The following SCYL2 variants were observed in gnomAD, a reference collection of about 807,000 sequenced individuals.
The protein encoded by SCYL2 is SCY1-like protein 2.
SCYL2 carries 36 observed loss-of-function variants against 100.4 expected under a neutral mutation model. The ratio of observed to expected loss-of-function variants is 0.36; its 90% confidence interval spans 0.27 to 0.47. The LOEUF is 0.47. Ranked by LOEUF, SCYL2 falls within the 20% of genes least tolerant of loss-of-function variation. SCYL2 has a pLI of 1.00. For missense variants in SCYL2, 902 were observed against 1,083.9 expected (o/e 0.83, Z 2.36); for synonymous variants, 330 against 359.2 (o/e 0.92, Z 0.92).
intron 1 of SCYL2, among the ~76,000 whole-genome samples, chr12:100,282,710 T>A (rs184903069): frequency 1.3e-5 from 2 of 152,296 alleles, no homozygotes; most frequent in East Asian, 3.9e-4. Flanking sequence ...TGTGAGTATA[T>A]CTTTTCCTGG....
At chr12:100,333,812 T>A (rs994337088) in intron 13 of SCYL2, 3 of 156,418 alleles carry the variant, frequency 1.9e-5, no homozygotes, top group African/African-American at 7.2e-5. Flanking sequence ...TTCAGATGGT[T>A]AATTTTGAAT....
At chr12:100,334,337 G>A in intron 14 of SCYL2, 71 bp downstream of exon 14, 3 of 876,978 alleles carry the variant, frequency 3.4e-6, no homozygotes, top group South Asian at 1.4e-5. Context: ...TTGATTTTCT[G>A]GAATATGGAA....
chr12:100,272,692 A>C (rs997027311), intron 1 of SCYL2, among the ~76,000 whole-genome samples: 17 of 152,240 alleles, frequency 1.1e-4, no homozygotes, highest in African/African-American at 4.1e-4. Flanking sequence ...CCTTCCACCT[A>C]GACTGTGAAA....
chr12:100,294,609 C>G (rs905818976), intron 3 of SCYL2, among the ~76,000 whole-genome samples: 1 of 140,528 alleles, frequency 7.1e-6, no homozygotes, highest in Non-Finnish European at 1.6e-5. Context: ...GGTGGCTGGC[C>G]GGGCAGAGGG....
chr12:100,283,921 G>A (rs536970964), intron 2 of SCYL2, among the ~76,000 whole-genome samples: 6 of 152,228 alleles, frequency 3.9e-5, no homozygotes, highest in Admixed American at 3.9e-4. Context: ...GAGTTGATCT[G>A]CATCTGAAAT....
chr12:100,339,079 T>A lies in SCYL2; in HGVS notation c.2697T>A (p.Asn899Lys), dbSNP rs1209784517. The change falls in exon 18 of 18, where the codon AAT becomes AAA. Residue 899 changes from asparagine (N) to lysine (K), a missense_variant. Physicochemically the swap from Asn to Lys is moderately conservative, Grantham distance 94. Transcript: ENST00000360820. ...IGQSAFGMQG[N>K]PFFNPQNFAQ... ...AATCTGCTTTTGGTATGCAGGGTAA[T>A]CCTTTCTTTAACCCACAGAACTTTG... 1.2e-6 allele frequency: 2 copies of A among 1,613,966 alleles called. No homozygotes were observed. Among genetic ancestry groups the A allele is most frequent in the Non-Finnish European group, 1.7e-6 (2 of 1,179,962 alleles).
chr12:100,301,185 G>C (rs962562593), intron 4 of SCYL2, among the ~76,000 whole-genome samples: 2 of 152,160 alleles, frequency 1.3e-5, no homozygotes, highest in Middle Eastern at 3.2e-3. Context: ...TTTGTATGAA[G>C]GCATTTTAAT....
intron 2 of SCYL2, among the ~76,000 whole-genome samples, chr12:100,286,064 C>T (rs1406545615): frequency 6.6e-6 from 1 of 152,080 alleles, no homozygotes; most frequent in East Asian, 1.9e-4. Context: ...ACTATCAAGG[C>T]TGCTAATTTG....
chr12:100,313,047 T>C (rs764755773), intron 6 of SCYL2, among the ~76,000 whole-genome samples: 19 of 152,310 alleles, frequency 1.2e-4, no homozygotes, highest in Non-Finnish European at 2.4e-4. Context: ...GAGGATCACT[T>C]GAGCCTGGGA....
At chr12:100,323,795 C>A (rs2096358885) in intron 11 of SCYL2, 157 bp downstream of exon 11, 1 of 445,892 alleles carries the variant, frequency 2.2e-6, no homozygotes, top group Non-Finnish European at 3.9e-6. Context: ...CTGTAGTTTT[C>A]TTTGATACAT....
Position 100,273,924 on chromosome 12 carries a change from C to T in SCYL2, c.-29+6132C>T, listed in dbSNP as rs1051550596. 3.3e-5 allele frequency among the ~76,000 whole-genome samples: 5 copies of T among 152,132 alleles called. No homozygotes were observed. In the South Asian group the frequency reaches 6.2e-4, roughly 19 times the overall value. On this transcript the variant is annotated intron_variant, in intron 1 of 17. Coordinates refer to ENST00000360820, the MANE Select transcript of SCYL2 (RefSeq NM_017988.6). The stretch of plus-strand genomic sequence containing the variant: ...ATTTAATATATAGCTTGTCAGGCAG[C>T]GTTAGAGGAATAGATATGTATGGTT...
chr12:100,277,936 A>C (rs1010579159), intron 1 of SCYL2, among the ~76,000 whole-genome samples: 12 of 152,014 alleles, frequency 7.9e-5, no homozygotes, highest in Admixed American at 4.6e-4. Context: ...TTTTAACTTT[A>C]AATACCACAA....
chr12:100,329,821 C>T (rs981667980), intron 13 of SCYL2, among the ~76,000 whole-genome samples: 8 of 151,674 alleles, frequency 5.3e-5, no homozygotes, highest in South Asian at 2.1e-4. Flanking sequence ...AGCGCACTTA[C>T]GTGGTTGTTG....
At chr12:100,324,586 G>A (rs1051797564) in intron 11 of SCYL2, among the ~76,000 whole-genome samples, 1 of 152,014 alleles carries the variant, frequency 6.6e-6, no homozygotes, top group Non-Finnish European at 1.5e-5. Flanking sequence ...TTCATTTCTT[G>A]GTTGAAAGGC....
At chr12:100,324,655 G>T (rs1237681155) in intron 11 of SCYL2, among the ~76,000 whole-genome samples, 2 of 152,110 alleles carry the variant, frequency 1.3e-5, no homozygotes, top group African/African-American at 4.8e-5. Flanking sequence ...AAACAAACAA[G>T]TATGAAATGA....
rs533496938 is a variant in SCYL2, at chr12:100,288,627, A to G, written c.178-2876A>G. Among the ~76,000 whole-genome samples the G allele has an allele frequency of 2.0e-5, 3 of 152,118 alleles. No individual in the cohort carries two copies. The East Asian group carries it at 5.8e-4, about 29-fold the overall frequency. On this transcript the variant is annotated intron_variant, in intron 2 of 17. Coordinates refer to ENST00000360820, the MANE Select transcript of SCYL2 (RefSeq NM_017988.6). Reference sequence around the variant, plus strand: ...GAGGTGGGAGGATTGCTTGAGTCCAAGAGTTTGAGACCAGCCTGGACAACA... The same window carrying G: ...GAGGTGGGAGGATTGCTTGAGTCCAGGAGTTTGAGACCAGCCTGGACAACA...
chr12:100,320,358 A>G (rs2096354261), intron 10 of SCYL2, among the ~76,000 whole-genome samples: 1 of 152,082 alleles, frequency 6.6e-6, no homozygotes, highest in African/African-American at 2.4e-5. Context: ...CAGCCTGGCC[A>G]ACATGGCGAA....
At chr12:100,283,854 T>C (rs1179514475) in intron 2 of SCYL2, among the ~76,000 whole-genome samples, 1 of 152,246 alleles carries the variant, frequency 6.6e-6, no homozygotes, top group Non-Finnish European at 1.5e-5. Context: ...ATGTCATTTG[T>C]ATTCAACCTG....
At chr12:100,327,179 T>C in intron 12 of SCYL2, 1 of 407,164 alleles carries the variant, frequency 2.5e-6, no homozygotes, top group Non-Finnish European at 5.0e-6. Context: ...GTTTCTATTT[T>C]ATAAGGAAAC....
Sources: gnomAD v4.1 joint callset for allele counts (sites outside exome capture counted in the v4.1 genomes callset) on GRCh38, gnomAD v4.1.1 for gene constraint, MANE v1.5 for transcripts, NCBI Gene and HGNC (gene_info 2026-07-23, HGNC 2026-07-21) for gene names.